The following SCFD1 variants were observed in gnomAD, a reference collection of about 807,000 sequenced individuals.
SCFD1 encodes the protein sec1 family domain-containing protein 1.
In SCFD1, 37 loss-of-function variants were observed where a neutral mutation model predicts 103.2. That is an observed-to-expected ratio of 0.36 (90% CI 0.28 to 0.47). The LOEUF is 0.47. SCFD1 is among the 20% of genes least tolerant of loss of function. SCFD1 has a pLI of 1.00. For missense variants in SCFD1, 639 were observed against 761.2 expected (o/e 0.84, Z 1.89); for synonymous variants, 264 against 245.0 (o/e 1.08, Z -0.73).
At chr14:30,673,491 C>A (rs945965147) in intron 12 of SCFD1, 144 bp downstream of exon 12, 53 of 473,380 alleles carry the variant, frequency 1.1e-4, no homozygotes, top group Middle Eastern at 5.7e-4. Flanking sequence ...CGTAAGTGAT[C>A]AAAAAGAAAT....
At chr14:30,641,700 T>C (rs1885293501) in intron 6 of SCFD1, among the ~76,000 whole-genome samples, 1 of 152,174 alleles carries the variant, frequency 6.6e-6, no homozygotes, top group Admixed American at 6.6e-5. Context: ...AATGGCCCAT[T>C]TCCTTCTTTT....
chr14:30,722,565 T>TC lies in SCFD1; in HGVS notation c.1836+6_1836+7insC. On this transcript the variant is annotated splice_region_variant and intron_variant, in intron 23 of 24. Coordinates refer to ENST00000458591, the MANE Select transcript of SCFD1 (RefSeq NM_016106.4). ...ATCTTGTTGACTACATAAAGGTACA[T>TC]TTTATTTAGCCTTTTTATTCTGTTG... 6 of 1,576,982 alleles carry TC rather than the reference T, an allele frequency of 3.8e-6. No individual in the cohort carries two copies. The highest frequency in any genetic ancestry group is 5.2e-6 in the Non-Finnish European group (6 of 1,153,472).
intron 15 of SCFD1, among the ~76,000 whole-genome samples, chr14:30,696,067 T>C (rs1890679846): frequency 6.6e-6 from 1 of 152,204 alleles, no homozygotes; most frequent in Non-Finnish European, 1.5e-5. Flanking sequence ...CCAAAACAAA[T>C]GGAAAGCCTA....
intron 4 of SCFD1, 69 bp from the exon 5 acceptor site, chr14:30,638,053 TATA>T: frequency 2.1e-6 from 3 of 1,424,696 alleles, no homozygotes; most frequent in Non-Finnish European, 2.8e-6. Context: ...AACTTTGCCT[TATA>T]GTAGTTGAAA....
At chr14:30,683,106 G>A in intron 14 of SCFD1, 1 of 1,305,966 alleles carries the variant, frequency 7.7e-7, no homozygotes, top group Non-Finnish European at 1.1e-6. Flanking sequence ...CTTAAAAGCT[G>A]TGGGGTTTTT....
chr14:30,705,761 A>C, intron 17 of SCFD1, 62 bp from the exon 18 acceptor site: 1 of 1,257,120 alleles, frequency 8.0e-7, no homozygotes, highest in Non-Finnish European at 1.2e-6. Context: ...ATATTTTAAT[A>C]CCGTGACACC....
At chr14:30,726,545 T>C (rs1330286534) in intron 23 of SCFD1, among the ~76,000 whole-genome samples, 1 of 150,386 alleles carries the variant, frequency 6.6e-6, no homozygotes, top group Non-Finnish European at 1.5e-5. Flanking sequence ...CTTGCTTATA[T>C]ACCAAAATGT....
intron 10 of SCFD1, among the ~76,000 whole-genome samples, chr14:30,659,295 A>G (rs920781864): frequency 6.6e-6 from 1 of 151,990 alleles, no homozygotes; most frequent in East Asian, 1.9e-4. Flanking sequence ...TTGCATTTCA[A>G]CATAATATAG....
chr14:30,729,052 G>A (rs772474299), intron 23 of SCFD1, among the ~76,000 whole-genome samples: 3 of 152,056 alleles, frequency 2.0e-5, no homozygotes, highest in Admixed American at 6.5e-5. Context: ...GAACCACCAC[G>A]CCTGGCCCCT....
chr14:30,689,730 AG>A (rs1420351523), intron 14 of SCFD1, among the ~76,000 whole-genome samples: 235 of 50,134 alleles, frequency 4.7e-3, no homozygotes, highest in African/African-American at 0.019. Flanking sequence ...TTTTTTTCAA[AG>A]TTTTCAACTT....
At chr14:30,652,547 T>C (rs1004943100) in intron 9 of SCFD1, among the ~76,000 whole-genome samples, 24 of 152,226 alleles carry the variant, frequency 1.6e-4, no homozygotes, top group African/African-American at 5.5e-4. Flanking sequence ...GTCAAACATT[T>C]GTGTAAATTT....
At chr14:30,681,106 A>T (rs1239467983) in intron 14 of SCFD1, among the ~76,000 whole-genome samples, 1 of 151,972 alleles carries the variant, frequency 6.6e-6, no homozygotes. Context: ...GCACACCTGT[A>T]GTCACTCTGG....
chr14:30,716,071 C>T (rs1259896281), intron 20 of SCFD1, 94 bp downstream of exon 20: 4 of 757,636 alleles, frequency 5.3e-6, no homozygotes, highest in Non-Finnish European at 9.2e-6. Flanking sequence ...TCCTTGTGAG[C>T]TTAATCACAG....
At position 30,675,077 on chromosome 14, in the gene SCFD1, T is replaced by C. The variant is rs779635937; in HGVS notation, c.1242+12T>C. On this transcript the variant is annotated intron_variant, in intron 14 of 24. Transcript: ENST00000458591. Reference sequence around the variant, plus strand: ...TAGAACATATAAAGGTAAATTTAACTTTTTCCCCCCCACAATATGACTTGC... The same window carrying C: ...TAGAACATATAAAGGTAAATTTAACCTTTTCCCCCCCACAATATGACTTGC... 15 of 1,459,780 alleles carry C rather than the reference T, an allele frequency of 1.0e-5. No homozygotes were observed. The highest frequency in any genetic ancestry group is 2.4e-5 in the East Asian group (1 of 42,026). 90.4% of individuals were successfully genotyped at this position (1,459,780 alleles called of 1,614,324 possible). A position where few individuals can be genotyped will look rare whatever the true frequency, so the allele number is the denominator to read the frequency against.
intron 10 of SCFD1, among the ~76,000 whole-genome samples, chr14:30,669,450 T>C (rs1888331273): frequency 1.3e-5 from 2 of 152,104 alleles, no homozygotes; most frequent in Non-Finnish European, 2.9e-5. Context: ...ATAGATGTAA[T>C]GCAAGAAGTT....
At chr14:30,725,901 T>C (rs1893009699) in intron 23 of SCFD1, among the ~76,000 whole-genome samples, 1 of 152,196 alleles carries the variant, frequency 6.6e-6, no homozygotes, top group African/African-American at 2.4e-5. Context: ...GCTGACAAGC[T>C]AGTACAAGTT....
chr14:30,650,351 C>G (rs1435712680), intron 8 of SCFD1, among the ~76,000 whole-genome samples: 2 of 152,290 alleles, frequency 1.3e-5, no homozygotes, highest in East Asian at 3.9e-4. Flanking sequence ...TGACATCAGG[C>G]CCGACTCACA....
chr14:30,650,734 C>A, intron 9 of SCFD1, 84 bp downstream of exon 9: 1 of 767,096 alleles, frequency 1.3e-6, no homozygotes, highest in Non-Finnish European at 2.2e-6. Context: ...ATAGAATATC[C>A]TTGTAATTGA....
At chr14:30,680,914 T>C (rs1406008265) in intron 14 of SCFD1, among the ~76,000 whole-genome samples, 1 of 152,226 alleles carries the variant, frequency 6.6e-6, no homozygotes, top group Non-Finnish European at 1.5e-5. Flanking sequence ...AACTTGCTGT[T>C]CTTTTTCTAA....
Sources: allele counts gnomAD v4.1 joint callset (sites outside exome capture counted in the v4.1 genomes callset), GRCh38; gene constraint gnomAD v4.1.1; transcripts MANE v1.5; gene names NCBI Gene and HGNC (gene_info 2026-07-23, HGNC 2026-07-21).